Variants in PPP1R3A observed in about 807,000 individuals in gnomAD.
PPP1R3A encodes the protein protein phosphatase 1 regulatory subunit 3A.
PPP1R3A carries 29 observed loss-of-function variants against 41.7 expected under a neutral mutation model. The ratio of observed to expected loss-of-function variants is 0.70; its 90% CI spans 0.52 to 0.95. The LOEUF is 0.95. Ranked by LOEUF, PPP1R3A falls within the 40% of genes least tolerant of loss-of-function variation. The pLI is 0.00. For missense variants in PPP1R3A, 1,352 were observed against 1,292.4 expected, an observed-to-expected ratio of 1.05 and a Z score of -0.71; for synonymous variants, 485 against 453.4, an observed-to-expected ratio of 1.07 and a Z score of -0.89.
Position 113,882,081 on chromosome 7 carries a change from G to A in PPP1R3A, c.924C>T (p.Asn308=), listed in dbSNP as rs760317317. The A allele has an allele frequency of 5.6e-6, 9 of 1,612,420 alleles. No homozygotes were observed. The highest frequency in any genetic ancestry group is 6.8e-6 in the Non-Finnish European group (8 of 1,179,004). The change falls in exon 3 of 4, where the codon AAC becomes AAT. Residue 308 remains asparagine, a synonymous_variant. Transcript: ENST00000284601. The part of the protein sequence containing the change: ...EASNRNVKDV[N]REHDEHNEKE... ...TTTCATTATGTTCATCATGTTCCCT[G>A]TTTACATCTTTTACATTTCGATTAC... is the stretch of plus-strand genomic sequence containing the variant.
chr7:113,888,446 A>G (rs1796824458), intron 1 of PPP1R3A, among the ~76,000 whole-genome samples: 1 of 152,200 alleles, frequency 6.6e-6, no homozygotes, highest in South Asian at 2.1e-4. Flanking sequence ...TGTAGCATCA[A>G]TATGCTGTAC....
intron 1 of PPP1R3A, 69 bp downstream of exon 1, chr7:113,918,146 A>C: frequency 7.1e-7 from 1 of 1,404,400 alleles, no homozygotes; most frequent in African/African-American, 1.4e-5. Flanking sequence ...TTCTTACAAC[A>C]CATGAAATAA....
rs201451205 is a variant in PPP1R3A, at chr7:113,877,788, C to A, written c.3304G>T (p.Val1102Phe). 2 of 1,603,342 alleles carry A rather than the reference C, an allele frequency of 1.2e-6. No individual in the cohort carries two copies. The highest frequency in any genetic ancestry group is 1.7e-6 in the Non-Finnish European group (2 of 1,173,768). The change falls in exon 4 of 4, where the codon GTT (valine) becomes TTT (phenylalanine). Residue 1102 changes from valine to phenylalanine, a missense_variant. Val to Phe is a conservative substitution (Grantham distance 50). Transcript: ENST00000284601. ...CAGGATAGCCAGGACAATGACAAAA[C>A]GTAGAATGTCAAGCCAATCATTAAG... The part of the protein sequence containing the change: ...YDLMIGLTFY[V>F]LSLSWLSWEE...
chr7:113,879,614 G>A lies in PPP1R3A; in HGVS notation c.1478C>T (p.Thr493Met), dbSNP rs142774244. 76 of 1,613,014 alleles carry A rather than the reference G, an allele frequency of 4.7e-5. No individual in the cohort carries two copies. Among genetic ancestry groups the A allele is most frequent in the South Asian group, 7.7e-5 (7 of 91,058 alleles). Reference sequence around the variant, plus strand: ...TGTTGATTCTTTGAGACATGCCGACGTATCTGAATGGAAATCTCTTCGTAA... The same window carrying A: ...TGTTGATTCTTTGAGACATGCCGACATATCTGAATGGAAATCTCTTCGTAA... ...GCLRRDFHSD[T>M]SACLKESTEE... Residue 493 changes from threonine (T) to methionine (M), a missense_variant, in exon 4 of 4, where the codon ACG becomes ATG. Thr to Met is a moderately conservative substitution (Grantham distance 81). Coordinates refer to ENST00000284601, the MANE Select transcript of PPP1R3A (RefSeq NM_002711.4).
chr7:113,893,401 C>G (rs896663285), intron 1 of PPP1R3A, among the ~76,000 whole-genome samples: 8 of 151,880 alleles, frequency 5.3e-5, no homozygotes, highest in Non-Finnish European at 1.0e-4. Flanking sequence ...TTTAATACCA[C>G]AGAAATCTCA....
chr7:113,910,686 A>G (rs759445218), intron 1 of PPP1R3A, among the ~76,000 whole-genome samples: 12 of 151,784 alleles, frequency 7.9e-5, no homozygotes, highest in Non-Finnish European at 1.6e-4. Flanking sequence ...TAGCAACTCT[A>G]TGTGATTTGT....
chr7:113,891,084 CAAAAAAAAAAA>C (rs11342726), intron 1 of PPP1R3A, among the ~76,000 whole-genome samples: 15 of 79,788 alleles, frequency 1.9e-4, no homozygotes, highest in Non-Finnish European at 2.5e-4. Flanking sequence ...GGAAAAAAAG[CAAAAAAAAAAA>C]AAAAAAAAAA....
intron 1 of PPP1R3A, among the ~76,000 whole-genome samples, chr7:113,904,002 C>T (rs111626861): frequency 0.013 from 1,927 of 151,724 alleles, 36 homozygotes; most frequent in African/African-American, 0.045. Flanking sequence ...TGGTAGCCTG[C>T]AGTATAATCG....
intron 1 of PPP1R3A, among the ~76,000 whole-genome samples, chr7:113,905,135 AGTAAT>A (rs1458046111): frequency 6.6e-6 from 1 of 151,756 alleles, no homozygotes; most frequent in Non-Finnish European, 1.5e-5. Flanking sequence ...GATTAAGGGT[AGTAAT>A]GTAAGAATTA....
At chr7:113,887,702 A>G (rs991160411) in intron 1 of PPP1R3A, among the ~76,000 whole-genome samples, 2 of 152,118 alleles carry the variant, frequency 1.3e-5, no homozygotes, top group Non-Finnish European at 2.9e-5. Flanking sequence ...CATTGTAGGC[A>G]GAGGGAACAA....
At chr7:113,898,360 G>A (rs558930436) in intron 1 of PPP1R3A, among the ~76,000 whole-genome samples, 1 of 151,862 alleles carries the variant, frequency 6.6e-6, no homozygotes, top group Admixed American at 6.6e-5. Context: ...AAGGCCTCCT[G>A]GCAGAGGGAG....
chr7:113,895,514 A>G (rs1796962377), intron 1 of PPP1R3A, among the ~76,000 whole-genome samples: 2 of 151,976 alleles, frequency 1.3e-5, no homozygotes, highest in African/African-American at 4.8e-5. Flanking sequence ...ATTGCTATGC[A>G]ATCAAATATA....
At chr7:113,902,098 T>C (rs1480544773) in intron 1 of PPP1R3A, among the ~76,000 whole-genome samples, 8 of 151,848 alleles carry the variant, frequency 5.3e-5, no homozygotes, top group Non-Finnish European at 1.2e-4. Context: ...TTGGAATCTC[T>C]GAGAACTCAG....
intron 1 of PPP1R3A, among the ~76,000 whole-genome samples, chr7:113,912,327 A>G (rs967971000): frequency 2.6e-5 from 4 of 152,178 alleles, no homozygotes; most frequent in African/African-American, 9.6e-5. Flanking sequence ...TAAGATTGAA[A>G]TAGCTCCTGC....
In PPP1R3A at chr7:113,877,982, G is replaced by A; in HGVS notation, c.3110C>T (p.Ser1037Leu). ...ENEGLVSSGQ[S>L]LYTSGEKESD... The stretch of plus-strand genomic sequence containing the variant: ...TTCCTTTTCACCTGAAGTGTATAGT[G>A]ATTGCCCAGAGCTTACTAATCCTTC... Residue 1037 changes from serine (S) to leucine (L), a missense_variant, in exon 4 of 4, where the codon TCA (serine) becomes TTA (leucine). Transcript: ENST00000284601. 1 of 1,613,346 alleles carries A rather than the reference G, an allele frequency of 6.2e-7. No homozygotes were observed.
intron 3 of PPP1R3A, among the ~76,000 whole-genome samples, chr7:113,881,317 T>C (rs1204157741): frequency 6.6e-6 from 1 of 152,064 alleles, no homozygotes; most frequent in Non-Finnish European, 1.5e-5. Context: ...TATGAATCCA[T>C]GTATTCCAAT....
At chr7:113,881,969 A>G in intron 3 of PPP1R3A, 70 bp downstream of exon 3, 1 of 1,563,408 alleles carries the variant, frequency 6.4e-7, no homozygotes, top group Non-Finnish European at 8.8e-7. Flanking sequence ...ATTGAAAGGC[A>G]GGCATTGCAG....
intron 1 of PPP1R3A, among the ~76,000 whole-genome samples, chr7:113,896,900 T>A (rs911216506): frequency 1.4e-4 from 21 of 151,866 alleles, no homozygotes; most frequent in African/African-American, 4.6e-4. Context: ...AGTTGTTCAG[T>A]CTTTGAACTA....
intron 1 of PPP1R3A, among the ~76,000 whole-genome samples, chr7:113,905,142 T>C (rs1198532496): frequency 2.0e-5 from 3 of 151,716 alleles, no homozygotes; most frequent in Non-Finnish European, 3.0e-5. Context: ...GGTAGTAATG[T>C]AAGAATTAAT....
Sources: gnomAD v4.1 joint callset for allele counts (sites outside exome capture counted in the v4.1 genomes callset) on GRCh38, gnomAD v4.1.1 for gene constraint, MANE v1.5 for transcripts, NCBI Gene and HGNC (gene_info 2026-07-23, HGNC 2026-07-21) for gene names.